Variants in TRPM4 observed in about 807,000 individuals in gnomAD.
TRPM4 encodes the protein calcium-activated non-selective cation channel 1.
Under a neutral mutation model 135.6 loss-of-function variants are expected in TRPM4, and 124 were observed. That is an observed-to-expected ratio of 0.91 (90% CI 0.79 to 1.06). TRPM4 has a LOEUF of 1.06. Ranked by LOEUF, TRPM4 falls within the 50% of genes least tolerant of loss-of-function variation. The probability of loss-of-function intolerance (pLI) is 0.00; values close to 1 mark genes in which losing one functional copy is unlikely to be tolerated. For synonymous variants in TRPM4, 745 were observed against 705.6 expected (o/e 1.06, Z -0.88); for missense variants, 1,658 against 1,671.4 (o/e 0.99, Z 0.14).
Position 49,171,768 on chromosome 19 carries a change from A to G in TRPM4, c.1049A>G (p.Gln350Arg), listed in dbSNP as rs895391731. Residue 350 changes from glutamine to arginine, a missense_variant and splice_region_variant, in exon 8 of 25, where the codon CAG becomes CGG. Around this residue, in one of 3 missense-constraint regions of TRPM4, gnomAD observed 1,412 missense variants for 1,408.7 expected, o/e 1.00. Transcript: ENST00000252826. This position sits in a 1 kb window ranked among gnomAD's most constrained non-coding sequence, Gnocchi z 4.7. Reference sequence around the variant, plus strand: ...GGGGACCTTGAGGTCCTGCAGGCCCAGGTATGACACTGGGGGCCCAACTCT... The same window carrying G: ...GGGGACCTTGAGGTCCTGCAGGCCCGGGTATGACACTGGGGGCCCAACTCT... ...PKGDLEVLQA[Q>R]VERIMTRKEL... 1 of 1,608,736 alleles carries G rather than the reference A, an allele frequency of 6.2e-7. No homozygotes were observed. Among genetic ancestry groups the G allele is most frequent in the Admixed American group, 1.7e-5 (1 of 59,904 alleles).
chr19:49,210,815 CCGAGCGTCTGAAGCG>C lies in TRPM4; in HGVS notation c.3436_3450del (p.Glu1146_Arg1150del). 6.2e-7 allele frequency: 1 copy of C among 1,613,138 alleles called. No individual in the cohort carries two copies. The highest frequency in any genetic ancestry group is 1.7e-4 in the Middle Eastern group (1 of 6,060). ...GCTAGGGACAAGCGGGAGAGCGACT[CCGAGCGTCTGAAGCG>C]CACGTCCCAGAAGTGAGAGCGGGGC... On this transcript the variant is annotated inframe_deletion, in exon 22 of 25. Transcript: ENST00000252826. This position sits in a 1 kb window ranked among gnomAD's most constrained non-coding sequence, Gnocchi z 4.1.
intron 2 of TRPM4, among the ~76,000 whole-genome samples, chr19:49,160,967 C>G (rs12461216): frequency 0.73 from 111,459 of 151,742 alleles, 42,822 homozygotes; most frequent in Non-Finnish European, 0.86. Flanking sequence ...GGGACGTATG[C>G]TCTGCTGACT....
In TRPM4 at chr19:49,190,307, C is replaced by T. The variant is rs1460921264; in HGVS notation, c.2119C>T (p.Leu707Phe). The T allele has an allele frequency of 3.1e-6, 5 of 1,614,096 alleles. No homozygotes were observed. The highest frequency in any genetic ancestry group is 2.2e-5 in the East Asian group (1 of 44,896). The change falls in exon 15 of 25, where the codon CTC (leucine) becomes TTC (phenylalanine). Residue 707 changes from leucine to phenylalanine, a missense_variant. Leu to Phe is a conservative substitution (Grantham distance 22, BLOSUM62 0). Transcript: ENST00000252826. ...FFCPPLIYTR[L>F]ITFRKSEEEP... ...TTGCCCTCCACTCATCTACACCCGC[C>T]TCATCACCTTCAGGTCAGTACCCTG...
Position 49,182,462 on chromosome 19 carries a change from A to C in TRPM4, c.1264-116A>C, listed in dbSNP as rs1159348001. On this transcript the variant is annotated intron_variant, in intron 10 of 24. Coordinates refer to ENST00000252826, the MANE Select transcript of TRPM4 (RefSeq NM_017636.4). ...CATCCATCCATCCACCCATCCATCC[A>C]TCCATCCATCCATCCATCCATCCAT... 4.2e-4 allele frequency: 162 copies of C among 385,530 alleles called. 2 individuals are homozygous for C. The highest frequency in any genetic ancestry group is 7.1e-4 in the Non-Finnish European group (156 of 218,552). 23.9% of individuals were successfully genotyped at this position (385,530 alleles called of 1,614,324 possible).
intron 9 of TRPM4, 30 bp from the exon 10 acceptor site, chr19:49,181,319 T>C: frequency 6.5e-7 from 1 of 1,543,202 alleles, no homozygotes; most frequent in Non-Finnish European, 9.0e-7. Flanking sequence ...TCCCCTGACT[T>C]CTTGTCCCCT....
chr19:49,162,229 T>C (rs544307196), intron 2 of TRPM4, among the ~76,000 whole-genome samples: 3 of 152,064 alleles, frequency 2.0e-5, no homozygotes, highest in African/African-American at 7.2e-5. Flanking sequence ...AGGCAGGAAA[T>C]TGATGATTTT....
At chr19:49,203,312 T>C (rs572416055) in intron 20 of TRPM4, among the ~76,000 whole-genome samples, 12 of 152,128 alleles carry the variant, frequency 7.9e-5, no homozygotes, top group Admixed American at 7.9e-4. Flanking sequence ...CCCAAGTAGC[T>C]AGGACTACAG....
chr19:49,201,180 C>T (rs749540004), intron 19 of TRPM4, among the ~76,000 whole-genome samples: 28 of 151,942 alleles, frequency 1.8e-4, no homozygotes, highest in Non-Finnish European at 1.2e-4. Flanking sequence ...GAGATAGGGT[C>T]ATTTATAACC....
At chr19:49,165,773 G>C (rs761013123) in intron 2 of TRPM4, among the ~76,000 whole-genome samples, 2 of 152,160 alleles carry the variant, frequency 1.3e-5, no homozygotes, top group Non-Finnish European at 2.9e-5. Context: ...CTTCCCACTT[G>C]AGGCTCCTCA....
intron 20 of TRPM4, among the ~76,000 whole-genome samples, chr19:49,208,673 A>G (rs1412313999): frequency 6.6e-6 from 1 of 152,120 alleles, no homozygotes; most frequent in Non-Finnish European, 1.5e-5. Flanking sequence ...TCTATGATCT[A>G]TATCTAGTAT....
rs763568053 is a variant in TRPM4 at position 49,171,693 on chromosome 19, G to A, written c.974G>A (p.Gly325Glu). The A allele has an allele frequency of 1.2e-6, 2 of 1,614,020 alleles. No homozygotes were observed. Among genetic ancestry groups the A allele is most frequent in the South Asian group, 1.1e-5 (1 of 91,080 alleles). Residue 325 changes from glycine to glutamate, a missense_variant, in exon 8 of 25, where the codon GGA becomes GAA. Around this residue, in one of 3 missense-constraint regions of TRPM4, gnomAD observed 1,412 missense variants for 1,408.7 expected, o/e 1.00. Coordinates refer to ENST00000252826, the MANE Select transcript of TRPM4 (RefSeq NM_017636.4). This position sits in a 1 kb window ranked among gnomAD's most constrained non-coding sequence, Gnocchi z 4.7. ...LEDTLAPGSG[G>E]ARQGEARDRI... ...GACACTCTGGCCCCAGGGAGTGGGG[G>A]AGCCAGGCAAGGCGAAGCCCGAGAT...
Position 49,200,345 on chromosome 19 carries a change from C to T in TRPM4, c.2691C>T (p.Ile897=), listed in dbSNP as rs1383570328. Residue 897 remains isoleucine (I), a synonymous_variant, in exon 18 of 25, where the codon ATC becomes ATT. Coordinates refer to ENST00000252826, the MANE Select transcript of TRPM4 (RefSeq NM_017636.4). ...ACCTGGGCCGCACTGTCCTCTGCAT[C>T]GACTTCATGGTTTTCACGGTGCGGC... ...LYHLGRTVLC[I]DFMVFTVRLL... 9.9e-6 allele frequency: 16 copies of T among 1,614,104 alleles called. No homozygotes were observed. The highest frequency in any genetic ancestry group is 1.3e-5 in the Non-Finnish European group (15 of 1,180,036).
rs762428211 is a variant in TRPM4, at chr19:49,196,867, G to A, written c.2638G>A (p.Gly880Ser). 2.8e-5 allele frequency: 45 copies of A among 1,580,366 alleles called. No homozygotes were observed. Among genetic ancestry groups the A allele is most frequent in the Non-Finnish European group, 3.7e-5 (43 of 1,172,032 alleles). Residue 880 changes from glycine to serine, a missense_variant, in exon 17 of 25, where the codon GGC becomes AGC. Around this residue, in one of 3 missense-constraint regions of TRPM4, gnomAD observed 1,412 missense variants for 1,408.7 expected, o/e 1.00. Transcript: ENST00000252826. ...TCTCACCTGCTTCCTCCTGGGCGTG[G>A]GCTGCCGGTGAGTGCCCCGGGGCCT... ...VALTCFLLGV[G>S]CRLTPGLYHL...
At chr19:49,191,845 C>T (rs1449919395) in intron 16 of TRPM4, among the ~76,000 whole-genome samples, 1 of 152,152 alleles carries the variant, frequency 6.6e-6, no homozygotes, top group Non-Finnish European at 1.5e-5. Flanking sequence ...AACATCCAAA[C>T]TATATCACAC....
chr19:49,200,858 C>T lies in TRPM4; in HGVS notation c.2953+73C>T, dbSNP rs146934354. 384 of 1,517,810 alleles carry T rather than the reference C, an allele frequency of 2.5e-4. 3 individuals are homozygous for T. In the African/African-American group the frequency reaches 4.6e-3, roughly 18 times the overall value. 94.0% of individuals were successfully genotyped at this position (1,517,810 alleles called of 1,614,324 possible). On this transcript the variant is annotated intron_variant, in intron 19 of 24. Coordinates refer to ENST00000252826, the MANE Select transcript of TRPM4 (RefSeq NM_017636.4). ...GCTCCCTGGGTCTCTGTCCTCCTGG[C>T]TCTAAGAAAATATCTGTCTCTCTGA...
Position 49,196,496 on chromosome 19 carries a change from C to T in TRPM4, c.2267C>T (p.Pro756Leu), listed in dbSNP as rs1177884755. 20 of 1,554,988 alleles carry T rather than the reference C, an allele frequency of 1.3e-5. No individual in the cohort carries two copies. Among genetic ancestry groups the T allele is most frequent in the South Asian group, 4.7e-5 (4 of 84,850 alleles). The change falls in exon 17 of 25, where the codon CCG becomes CTG. Residue 756 changes from proline (P) to leucine (L), a missense_variant. Pro to Leu is a moderately conservative substitution (Grantham distance 98). Coordinates refer to ENST00000252826, the MANE Select transcript of TRPM4 (RefSeq NM_017636.4). ...GGGGTCCCGCGCCAGTCGGGCCGTC[C>T]GGGTTGCTGCGGGGGCCGCTGCGGG... is the stretch of plus-strand genomic sequence containing the variant. ...PLGVPRQSGR[P>L]GCCGGRCGGR...
At chr19:49,198,624 G>C (rs1167605533) in intron 17 of TRPM4, among the ~76,000 whole-genome samples, 1 of 148,124 alleles carries the variant, frequency 6.8e-6, no homozygotes, top group East Asian at 2.0e-4. Context: ...CTCTAGCCTG[G>C]GTGAAAAGAG....
At position 49,168,029 on chromosome 19, in the gene TRPM4, G is replaced by T. The variant is rs1347123539; in HGVS notation, c.380G>T (p.Gly127Val). 1.2e-6 allele frequency: 2 copies of T among 1,613,000 alleles called. No homozygotes were observed. Among genetic ancestry groups the T allele is most frequent in the South Asian group, 1.1e-5 (1 of 91,084 alleles). The change falls in exon 4 of 25, where the codon GGC becomes GTC. Residue 127 changes from glycine (G) to valine (V), a missense_variant. Physicochemically the swap from Gly to Val is moderately radical, Grantham distance 109 (BLOSUM62 -3). Coordinates refer to ENST00000252826, the MANE Select transcript of TRPM4 (RefSeq NM_017636.4). ...LVVSVLGGSG[G>V]PVLQTWLQDL... ...GTGTCAGTGCTGGGGGGATCGGGGG[G>T]CCCCGTCCTCCAGACCTGGCTGCAG...
chr19:49,187,192 CTTG>C (rs1302053873), intron 12 of TRPM4, among the ~76,000 whole-genome samples: 2 of 142,514 alleles, frequency 1.4e-5, no homozygotes, highest in East Asian at 2.0e-4. Context: ...TAAGCATTTT[CTTG>C]TTTTTTTTTT....
Sources: gnomAD v4.1 joint callset for allele counts (sites outside exome capture counted in the v4.1 genomes callset) on GRCh38, gnomAD v4.1.1 for gene constraint, gnomAD v4.1.1 regional missense constraint, Gnocchi (gnomAD v3.1) non-coding constraint, MANE v1.5 for transcripts, NCBI Gene and HGNC (gene_info 2026-07-23, HGNC 2026-07-21) for gene names.